Variants in PRKD2 observed in about 807,000 individuals in gnomAD.
The protein encoded by PRKD2 is serine/threonine-protein kinase D2.
A neutral mutation model predicts 86.0 loss-of-function variants in PRKD2; 22 were observed. That is an observed-to-expected ratio of 0.26 (90% CI 0.18 to 0.37). The LOEUF is 0.37. PRKD2 is among the 10% of genes least tolerant of loss of function. The pLI is 1.00. For synonymous variants in PRKD2, 509 were observed against 510.9 expected (o/e 1.00, Z 0.05); for missense variants, 818 against 1,199.2 (o/e 0.68, Z 4.70).
At chr19:46,682,755 G>A (rs1273591886) in intron 14 of PRKD2, among the ~76,000 whole-genome samples, 1 of 144,164 alleles carries the variant, frequency 6.9e-6, no homozygotes, top group Non-Finnish European at 1.5e-5. Context: ...ACTCAGGCCA[G>A]AGCACAGAGG....
intron 7 of PRKD2, among the ~76,000 whole-genome samples, chr19:46,698,672 CCTG>C (rs1339398496): frequency 6.6e-6 from 1 of 152,158 alleles, no homozygotes; most frequent in Non-Finnish European, 1.5e-5. Flanking sequence ...GATTAAGTGG[CCTG>C]CTGGGCATGG....
Position 46,717,054 on chromosome 19 carries a change from GCT to G in PRKD2, c.-686_-685del, listed in dbSNP as rs1380247119. On this transcript the variant is annotated 5_prime_UTR_variant, in exon 1 of 18. Coordinates refer to ENST00000291281, the MANE Select transcript of PRKD2 (RefSeq NM_016457.5). ...CAGGGAGGGTCGCCAGGCGCCAGTAGCTCTTTTTCCCCCTCCAAAGTTTAAGT... is the reference window on the plus strand; with the variant it reads ...CAGGGAGGGTCGCCAGGCGCCAGTAGCTTTTTCCCCCTCCAAAGTTTAAGT... The G allele has an allele frequency of 6.5e-6, 1 of 154,042 alleles. No homozygotes were observed. Among genetic ancestry groups the G allele is most frequent in the Non-Finnish European group, 1.5e-5 (1 of 68,882 alleles). 9.5% of individuals were successfully genotyped at this position (154,042 alleles called of 1,614,324 possible).
chr19:46,678,436 G>A lies in PRKD2; in HGVS notation c.2298C>T (p.Phe766=). ...DINDQIQNAA[F]MYPASPWSHI... is the part of the protein sequence containing the mutation. ...GGCTCCAGGGGCTGGCCGGGTACATGAAGGCGGCGTTCTGGATCTGGTCAT... is the reference window on the plus strand; with the variant it reads ...GGCTCCAGGGGCTGGCCGGGTACATAAAGGCGGCGTTCTGGATCTGGTCAT... The change falls in exon 16 of 18, where the codon TTC becomes TTT. Residue 766 remains phenylalanine, a synonymous_variant. Coordinates refer to ENST00000291281, the MANE Select transcript of PRKD2 (RefSeq NM_016457.5). This position sits in a 1 kb window ranked among gnomAD's most constrained non-coding sequence, Gnocchi z 5.7. 1 of 1,614,164 alleles carries A rather than the reference G, an allele frequency of 6.2e-7. No individual in the cohort carries two copies. Among genetic ancestry groups the A allele is most frequent in the African/African-American group, 1.3e-5 (1 of 75,040 alleles).
intron 3 of PRKD2, among the ~76,000 whole-genome samples, chr19:46,708,900 G>A (rs2053757344): frequency 1.3e-5 from 2 of 152,014 alleles, no homozygotes; most frequent in Non-Finnish European, 2.9e-5. Flanking sequence ...TAATGTGTCA[G>A]CTTGGCTAGG....
In PRKD2 at chr19:46,679,664, G is replaced by A. The variant is rs191879466; in HGVS notation, c.2071-1001C>T. Among the ~76,000 whole-genome samples, 1,062 of 152,086 alleles carry A rather than the reference G, an allele frequency of 7.0e-3. 7 individuals are homozygous for A. The highest frequency in any genetic ancestry group is 0.011 in the Non-Finnish European group (714 of 67,980). On this transcript the variant is annotated intron_variant, in intron 15 of 17. Coordinates refer to ENST00000291281, the MANE Select transcript of PRKD2 (RefSeq NM_016457.5). ...TTTTGAGACGGAGTCTCGCTCTGTC[G>A]CCCAGGCTGGAGTGCAGTAGCGTGA... is the stretch of plus-strand genomic sequence containing the variant.
chr19:46,688,034 C>A (rs1172058727), intron 14 of PRKD2, among the ~76,000 whole-genome samples: 3 of 152,134 alleles, frequency 2.0e-5, no homozygotes. Flanking sequence ...CCAGGCACCA[C>A]ATCCAGCTAG....
chr19:46,689,475 G>T, intron 14 of PRKD2, 62 bp downstream of exon 14: 1 of 1,529,622 alleles, frequency 6.5e-7, no homozygotes, highest in Non-Finnish European at 8.8e-7. Flanking sequence ...TAGGCATACA[G>T]GGCCTCTCCA....
Position 46,693,927 on chromosome 19 carries a change from C to T in PRKD2, c.1524G>A (p.Leu508=), listed in dbSNP as rs1568724789. 2 of 1,610,292 alleles carry T rather than the reference C, an allele frequency of 1.2e-6. No homozygotes were observed. Among genetic ancestry groups the T allele is most frequent in the Non-Finnish European group, 1.7e-6 (2 of 1,179,432 alleles). Residue 508 remains leucine (L), a synonymous_variant, in exon 10 of 18, where the codon CTG becomes CTA. Transcript: ENST00000291281. This position sits in a 1 kb window ranked among gnomAD's most constrained non-coding sequence, Gnocchi z 4.5. The part of the protein sequence containing the change: ...RGWETAIRQA[L]MPVILQDAPS... ...GTGCGTCCTGAAGGATGACGGGCAT[C>T]AGGGCCTGGCGGATGGCTGTCTCCC...
chr19:46,714,911 T>G (rs1261046516), intron 1 of PRKD2, among the ~76,000 whole-genome samples: 1 of 152,198 alleles, frequency 6.6e-6, no homozygotes, highest in Non-Finnish European at 1.5e-5. Flanking sequence ...AGACCAGGAC[T>G]GCCTTGGCCC....
At chr19:46,698,071 G>A (rs904086889) in intron 7 of PRKD2, among the ~76,000 whole-genome samples, 15 of 152,096 alleles carry the variant, frequency 9.9e-5, no homozygotes, top group Admixed American at 2.6e-4. Context: ...GTGCGATCTC[G>A]GCTCACTGCA....
Position 46,717,069 on chromosome 19 carries a change from C to G in PRKD2, c.-699G>C, listed in dbSNP as rs1169727995. 6.5e-6 allele frequency: 1 copy of G among 154,380 alleles called. No homozygotes were observed. Among genetic ancestry groups the G allele is most frequent in the Non-Finnish European group, 1.4e-5 (1 of 69,188 alleles). The allele number at this position is 154,380 out of a possible 1,614,324, so 9.6% of individuals were successfully genotyped here. A position where few individuals can be genotyped will look rare whatever the true frequency, so the allele number is the denominator to read the frequency against. ...GGCGCCAGTAGCTCTTTTTCCCCCT[C>G]CAAAGTTTAAGTCGGCGGCGGCGGC... On this transcript the variant is annotated 5_prime_UTR_variant, in exon 1 of 18. Coordinates refer to ENST00000291281, the MANE Select transcript of PRKD2 (RefSeq NM_016457.5).
intron 17 of PRKD2, 55 bp from the exon 18 acceptor site, chr19:46,674,790 A>G: frequency 1.9e-6 from 3 of 1,541,414 alleles, no homozygotes; most frequent in Non-Finnish European, 2.6e-6. Flanking sequence ...CAGTGCCTGG[A>G]TATCCTCTGG....
chr19:46,704,618 G>A lies in PRKD2; in HGVS notation c.543C>T (p.Ala181=), dbSNP rs755886067. 1.6e-5 allele frequency: 26 copies of A among 1,612,768 alleles called. No individual in the cohort carries two copies. Among genetic ancestry groups the A allele is most frequent in the Middle Eastern group, 3.3e-4 (2 of 6,080 alleles). ...CACTACAGTTGTTGGGGATGCTGAA[G>A]GCACAGCGCTTGTGGTAGTTCAGCC... ...GCGLNYHKRC[A]FSIPNNCSGA... Residue 181 remains alanine (A), a synonymous_variant, in exon 4 of 18, where the codon GCC becomes GCT. Transcript: ENST00000291281.
At chr19:46,684,590 T>A (rs891748939) in intron 14 of PRKD2, among the ~76,000 whole-genome samples, 1 of 152,188 alleles carries the variant, frequency 6.6e-6, no homozygotes, top group African/African-American at 2.4e-5. Context: ...CCCAAAGTTC[T>A]AGGATGACAG....
intron 3 of PRKD2, among the ~76,000 whole-genome samples, chr19:46,705,221 T>C (rs182331715): frequency 1.3e-5 from 2 of 151,752 alleles, no homozygotes; most frequent in East Asian, 3.9e-4. Flanking sequence ...CCAGCCCCAG[T>C]CCTCTATGGT....
At chr19:46,692,349 A>T (rs2053495251) in intron 10 of PRKD2, among the ~76,000 whole-genome samples, 5 of 152,040 alleles carry the variant, frequency 3.3e-5, no homozygotes. Context: ...GGGAAAGCCC[A>T]GACTGACTCC....
rs1167588770 is a variant in PRKD2, at chr19:46,678,385, G to A, written c.2338+11C>T. 6.2e-7 allele frequency: 1 copy of A among 1,613,516 alleles called. No homozygotes were observed. The highest frequency in any genetic ancestry group is 8.5e-7 in the Non-Finnish European group (1 of 1,179,910). ...ACCCACCCGCCCATGGGGTAGGCGG[G>A]CCCCAGGCACCTCCAGCTGAGATGT... On this transcript the variant is annotated intron_variant, in intron 16 of 17. Coordinates refer to ENST00000291281, the MANE Select transcript of PRKD2 (RefSeq NM_016457.5). The surrounding 1 kb of genome is among the most constrained non-coding windows in gnomAD (Gnocchi z 5.7).
Position 46,693,808 on chromosome 19 carries a change from A to C in PRKD2, c.1576+67T>G. On this transcript the variant is annotated intron_variant, in intron 10 of 17. Coordinates refer to ENST00000291281, the MANE Select transcript of PRKD2 (RefSeq NM_016457.5). The surrounding 1 kb of genome is among the most constrained non-coding windows in gnomAD (Gnocchi z 4.5). ...GCCCACTTTCCTCTTTGGCCCTTCCATTCCCCAGAACCGTGCCCCACCCAT... is the reference window on the plus strand; with the variant it reads ...GCCCACTTTCCTCTTTGGCCCTTCCCTTCCCCAGAACCGTGCCCCACCCAT... 4.0e-6 allele frequency: 6 copies of C among 1,512,756 alleles called. No individual in the cohort carries two copies. The highest frequency in any genetic ancestry group is 5.3e-6 in the Non-Finnish European group (6 of 1,134,682). 93.7% of individuals were successfully genotyped at this position (1,512,756 alleles called of 1,614,324 possible). A position where few individuals can be genotyped will look rare whatever the true frequency, so the allele number is the denominator to read the frequency against.
Position 46,704,171 on chromosome 19 carries a change from T to C in PRKD2, c.887A>G (p.Lys296Arg), listed in dbSNP as rs751786745. The C allele has an allele frequency of 5.0e-6, 8 of 1,613,834 alleles. No individual in the cohort carries two copies. In the Admixed American group the frequency reaches 1.3e-4, roughly 27 times the overall value. Residue 296 changes from lysine (K) to arginine (R), a missense_variant and splice_region_variant, in exon 5 of 18, where the codon AAA becomes AGA. Physicochemically the swap from Lys to Arg is conservative, Grantham distance 26 (BLOSUM62 2). Coordinates refer to ENST00000291281, the MANE Select transcript of PRKD2 (RefSeq NM_016457.5). ...KGLFRQGLQC[K>R]DCKFNCHKRC... Reference sequence around the variant, plus strand: ...CCTCCCCGACAGGCCCAGCTAACCTTTGCATTGCAGGCCCTGCCGGAAGAG... The same window carrying C: ...CCTCCCCGACAGGCCCAGCTAACCTCTGCATTGCAGGCCCTGCCGGAAGAG...
Sources: gnomAD v4.1 joint callset for allele counts (sites outside exome capture counted in the v4.1 genomes callset) on GRCh38, gnomAD v4.1.1 for gene constraint, Gnocchi (gnomAD v3.1) non-coding constraint, MANE v1.5 for transcripts, NCBI Gene and HGNC (gene_info 2026-07-23, HGNC 2026-07-21) for gene names.